The following SNTG1 variants were observed in gnomAD, a reference collection of about 807,000 sequenced individuals.
SNTG1 encodes the protein gamma-1-syntrophin.
Under a neutral mutation model 74.7 loss-of-function variants are expected in SNTG1, and 39 were observed. The observed-to-expected ratio is 0.52, with a 90% CI of 0.40 to 0.68. The LOEUF is 0.68. Ranked by LOEUF, SNTG1 falls within the 30% of genes least tolerant of loss-of-function variation. The pLI, the probability that SNTG1 is intolerant of heterozygous loss-of-function variation, is 0.00. For missense variants in SNTG1, 685 were observed against 609.5 expected (o/e 1.12, Z -1.30); for synonymous variants, 254 against 217.1 (o/e 1.17, Z -1.49).
In SNTG1 at chr8:50,283,265, G is replaced by A. The variant is rs60687360; in HGVS notation, c.-28+110630G>A. 4.6e-4 allele frequency among the ~76,000 whole-genome samples: 70 copies of A among 152,262 alleles called. 2 individuals are homozygous for A. In the East Asian group the frequency reaches 0.012, roughly 26 times the overall value. ...AATCCTGCTTTTCCATGAGAGTTCA[G>A]GAAATTCTTACCTAGTTCAACGGGA... is the stretch of plus-strand genomic sequence containing the variant. On this transcript the variant is annotated intron_variant, in intron 2 of 18. Coordinates refer to ENST00000642720, the MANE Select transcript of SNTG1 (RefSeq NM_018967.5).
At chr8:50,554,132 G>A (rs1353026829) in intron 12 of SNTG1, among the ~76,000 whole-genome samples, 1 of 152,102 alleles carries the variant, frequency 6.6e-6, no homozygotes, top group Admixed American at 6.6e-5. Context: ...CCTAAGAAAG[G>A]ATTGTGGCCA....
intron 4 of SNTG1, among the ~76,000 whole-genome samples, chr8:50,430,010 T>C (rs2093214331): frequency 6.6e-6 from 1 of 152,158 alleles, no homozygotes; most frequent in South Asian, 2.1e-4. Flanking sequence ...TTGATGAGAA[T>C]ATAAAGTGAC....
Position 50,144,396 on chromosome 8 carries a change from C to T in SNTG1, c.-102-28165C>T, listed in dbSNP as rs557506697. 1.6e-4 allele frequency among the ~76,000 whole-genome samples: 25 copies of T among 152,294 alleles called. 1 individual carries two copies. The South Asian group carries it at 5.2e-3, about 32-fold the overall frequency. On this transcript the variant is annotated intron_variant, in intron 1 of 18. Coordinates refer to ENST00000642720, the MANE Select transcript of SNTG1 (RefSeq NM_018967.5). ...TGATAGTGGTGAGTATGAGGTCCAG[C>T]ATACCTAGGTGAGGTCATCAAGGAT...
At chr8:50,520,922 G>T (rs544602246) in intron 9 of SNTG1, among the ~76,000 whole-genome samples, 56 of 152,220 alleles carry the variant, frequency 3.7e-4, no homozygotes, top group Non-Finnish European at 3.1e-4. Context: ...CTATTACTGG[G>T]TATATACCCA....
intron 2 of SNTG1, among the ~76,000 whole-genome samples, chr8:50,359,770 G>A (rs1342513952): frequency 6.6e-6 from 1 of 152,074 alleles, no homozygotes; most frequent in African/African-American, 2.4e-5. Flanking sequence ...AAAACTTTAA[G>A]GATAAAGATT....
At chr8:50,364,920 C>G (rs979945595) in intron 2 of SNTG1, among the ~76,000 whole-genome samples, 1 of 151,856 alleles carries the variant, frequency 6.6e-6, no homozygotes, top group African/African-American at 2.4e-5. Flanking sequence ...TTTTTTCAAA[C>G]AGAAAAAATC....
chr8:50,143,645 C>A (rs2081753121), intron 1 of SNTG1, among the ~76,000 whole-genome samples: 1 of 152,200 alleles, frequency 6.6e-6, no homozygotes, highest in Non-Finnish European at 1.5e-5. Flanking sequence ...AATCACTTAG[C>A]AAGCAGTCTG....
chr8:50,343,192 G>T (rs1369740585), intron 2 of SNTG1, among the ~76,000 whole-genome samples: 1 of 152,174 alleles, frequency 6.6e-6, no homozygotes, highest in Non-Finnish European at 1.5e-5. Flanking sequence ...CTCCCAGTGA[G>T]TATACAGCTT....
chr8:50,713,346 GTTGT>G (rs540858731), intron 17 of SNTG1, among the ~76,000 whole-genome samples: 25 of 152,178 alleles, frequency 1.6e-4, no homozygotes, highest in African/African-American at 4.1e-4. Context: ...TTTTGATGGG[GTTGT>G]TTGTTTTTTT....
At chr8:50,077,787 A>G (rs754960845) in intron 1 of SNTG1, among the ~76,000 whole-genome samples, 15 of 152,138 alleles carry the variant, frequency 9.9e-5, no homozygotes, top group Non-Finnish European at 2.2e-4. Context: ...CTTTGCCTAA[A>G]TGAATATCAT....
chr8:50,602,486 A>G (rs2094782123), intron 13 of SNTG1, among the ~76,000 whole-genome samples: 1 of 152,040 alleles, frequency 6.6e-6, no homozygotes, highest in African/African-American at 2.4e-5. Flanking sequence ...TGTAGTTATT[A>G]TTTTTGATTG....
In SNTG1 at chr8:49,982,375, C is replaced by G. The variant is rs141494312; in HGVS notation, c.-103+70144C>G. ...TTTTGGCATTTTGGGCCCATCTGCT[C>G]CTTGGTAGACACAGTTCTAAACTCT... On this transcript the variant is annotated intron_variant, in intron 1 of 18. Coordinates refer to ENST00000642720, the MANE Select transcript of SNTG1 (RefSeq NM_018967.5). Among the ~76,000 whole-genome samples the G allele has an allele frequency of 1.1e-3, 171 of 151,942 alleles. 2 individuals carry two copies. Among genetic ancestry groups the G allele is most frequent in the African/African-American group, 3.8e-3 (156 of 41,440 alleles).
At chr8:50,540,703 A>G (rs1221707842) in intron 11 of SNTG1, among the ~76,000 whole-genome samples, 2 of 152,144 alleles carry the variant, frequency 1.3e-5, no homozygotes, top group Non-Finnish European at 2.9e-5. Flanking sequence ...GAATTTTTAT[A>G]AATTCCTGTT....
chr8:50,610,582 A>G (rs78002309), intron 13 of SNTG1, among the ~76,000 whole-genome samples: 5,658 of 152,298 alleles, frequency 0.037, 179 homozygotes, highest in African/African-American at 0.075. Flanking sequence ...AATTGTGGCC[A>G]TTTGTAAACT....
intron 5 of SNTG1, among the ~76,000 whole-genome samples, chr8:50,442,091 A>G (rs1413361509): frequency 6.6e-6 from 1 of 152,214 alleles, no homozygotes; most frequent in Non-Finnish European, 1.5e-5. Context: ...GAGGTGCCAC[A>G]CACAGGCTGA....
chr8:49,991,571 T>A (rs1010028656), intron 1 of SNTG1, among the ~76,000 whole-genome samples: 3 of 151,742 alleles, frequency 2.0e-5, no homozygotes, highest in African/African-American at 7.3e-5. Flanking sequence ...ATATGGTACA[T>A]CTCTATAATG....
intron 8 of SNTG1, among the ~76,000 whole-genome samples, chr8:50,452,973 T>C (rs906455057): frequency 2.0e-5 from 3 of 152,190 alleles, no homozygotes; most frequent in African/African-American, 7.2e-5. Context: ...TTATTCCAAA[T>C]AGCATGCTGA....
At chr8:49,956,299 AAAAC>A (rs1240024510) in intron 1 of SNTG1, among the ~76,000 whole-genome samples, 3 of 152,260 alleles carry the variant, frequency 2.0e-5, no homozygotes, top group Non-Finnish European at 4.4e-5. Context: ...GGCAAAACCT[AAAAC>A]AAACAACCCA....
intron 13 of SNTG1, among the ~76,000 whole-genome samples, chr8:50,603,690 C>T (rs1270519104): frequency 6.6e-6 from 1 of 152,106 alleles, no homozygotes; most frequent in Non-Finnish European, 1.5e-5. Flanking sequence ...GCAACTTGGA[C>T]CCCAAGACCA....
Sources: gnomAD v4.1 joint callset for allele counts (sites outside exome capture counted in the v4.1 genomes callset) on GRCh38, gnomAD v4.1.1 for gene constraint, MANE v1.5 for transcripts, NCBI Gene and HGNC (gene_info 2026-07-23, HGNC 2026-07-21) for gene names.